TMC6: variants seen among roughly 807,000 people sequenced by gnomAD.
TMC6 encodes the protein transmembrane channel-like protein 6.
A neutral mutation model predicts 95.4 loss-of-function variants in TMC6; 71 were observed. That is an observed-to-expected ratio of 0.74 (90% confidence interval 0.61 to 0.91). The LOEUF (loss-of-function observed/expected upper bound fraction) is 0.91. Among genes scored for constraint, TMC6 ranks in the 40% least tolerant of loss-of-function variants. TMC6 has a pLI of 0.00. For missense variants in TMC6, 1,074 were observed against 1,079.1 expected, an observed-to-expected ratio of 1.00 and a Z score of 0.07; for synonymous variants, 514 against 483.1, an observed-to-expected ratio of 1.06 and a Z score of -0.84.
Position 78,113,026 on chromosome 17 carries a change from G to T in TMC6, c.*122C>A. 2.6e-6 allele frequency: 3 copies of T among 1,173,830 alleles called. No individual in the cohort carries two copies. Among genetic ancestry groups the T allele is most frequent in the Non-Finnish European group, 2.5e-6 (2 of 814,494 alleles). 72.7% of individuals were successfully genotyped at this position (1,173,830 alleles called of 1,614,324 possible). A position where few individuals can be genotyped will look rare whatever the true frequency, so the allele number is the denominator to read the frequency against. ...CCACCCTTCCAGCTCCAGCCTAGGCGCAGCTGCGGCTTTCGAGAGGCGAAA... is the reference window on the plus strand; with the variant it reads ...CCACCCTTCCAGCTCCAGCCTAGGCTCAGCTGCGGCTTTCGAGAGGCGAAA... On this transcript the variant is annotated 3_prime_UTR_variant, in exon 20 of 20. Coordinates refer to ENST00000590602, the MANE Select transcript of TMC6 (RefSeq NM_001127198.5).
At chr17:78,131,454 G>A (rs557700832), upstream of TMC6, 9 of 1,289,716 alleles carry the variant, frequency 7.0e-6, no homozygotes, top group African/African-American at 7.3e-5. Flanking sequence ...CGCCGGCGCA[G>A]AGGGGACGGA....
intron 18 of TMC6, 156 bp from the exon 19 acceptor site, chr17:78,113,780 A>C: frequency 1.3e-6 from 1 of 764,846 alleles, no homozygotes; most frequent in Non-Finnish European, 2.2e-6. Flanking sequence ...CCACCAAACA[A>C]GGACAAGGAA....
At chr17:78,116,420 A>C (rs1281615251) in intron 18 of TMC6, among the ~76,000 whole-genome samples, 2 of 151,690 alleles carry the variant, frequency 1.3e-5, no homozygotes, top group Non-Finnish European at 2.9e-5. Flanking sequence ...CTACAGGTGC[A>C]CACCACCACA....
chr17:78,113,102 T>A lies in TMC6; in HGVS notation c.*46A>T. 1 of 1,546,746 alleles carries A rather than the reference T, an allele frequency of 6.5e-7. No homozygotes were observed. Among genetic ancestry groups the A allele is most frequent in the Middle Eastern group, 1.7e-4 (1 of 5,956 alleles). On this transcript the variant is annotated 3_prime_UTR_variant, in exon 20 of 20. Transcript: ENST00000590602. The stretch of plus-strand genomic sequence containing the variant: ...GCAGGGTCACTGGGAGGCAACAGTG[T>A]GGTCTCAGGGTGCTGGGCGGGCCCG...
At chr17:78,120,269 C>T (rs1285110847) in intron 13 of TMC6, 1 of 367,962 alleles carries the variant, frequency 2.7e-6, no homozygotes, top group Non-Finnish European at 5.3e-6. Flanking sequence ...AAGCGATTCT[C>T]ATGCCTCTGC....
rs531947266 is a variant in TMC6 at position 78,126,900 on chromosome 17, C to T, written c.-68G>A. On this transcript the variant is annotated 5_prime_UTR_variant, in exon 2 of 20. Transcript: ENST00000590602. ...CAGAGCCTGGGCGCCACCTCCGGAG[C>T]CCCCATCTGATGAGACAGGGGCACA... The T allele has an allele frequency of 1.9e-5, 29 of 1,566,908 alleles. No individual in the cohort carries two copies. The African/African-American group carries it at 3.1e-4, about 17-fold the overall frequency.
At chr17:78,129,106 A>T (rs1196928756), upstream of TMC6, among the ~76,000 whole-genome samples, 19 of 114,544 alleles carry the variant, frequency 1.7e-4, no homozygotes, top group African/African-American at 6.0e-4. This position sits in a 1 kb window ranked among gnomAD's most constrained non-coding sequence, Gnocchi z 4.3. Context: ...CTCACTCCAG[A>T]TTGGGCAGCG....
intron 13 of TMC6, chr17:78,120,413 G>A: frequency 1.6e-6 from 1 of 614,514 alleles, no homozygotes; most frequent in Non-Finnish European, 3.0e-6. Context: ...ACTCACCTCA[G>A]CCTCCCAAAG....
intron 18 of TMC6, among the ~76,000 whole-genome samples, chr17:78,117,025 A>AC (rs551251137): frequency 1.4e-4 from 21 of 152,202 alleles, no homozygotes; most frequent in African/African-American, 4.8e-4. Context: ...ATCACACCCC[A>AC]CCCCCCAGAG....
chr17:78,117,379 G>A (rs2074178357), intron 17 of TMC6, 32 bp from the exon 18 acceptor site: 2 of 1,612,632 alleles, frequency 1.2e-6, no homozygotes, highest in African/African-American at 2.7e-5. Context: ...GCAGGGCCCA[G>A]GGCCACAGCC....
chr17:78,117,384 A>G (rs1236294766), intron 17 of TMC6, 37 bp from the exon 18 acceptor site: 16 of 1,612,422 alleles, frequency 9.9e-6, no homozygotes, highest in African/African-American at 1.3e-5. Flanking sequence ...GCCCAGGGCC[A>G]CAGCCCGGGA....
chr17:78,113,873 C>T, intron 18 of TMC6: 3 of 515,258 alleles, frequency 5.8e-6, no homozygotes, highest in East Asian at 7.1e-5. Context: ...AATCAGCAGC[C>T]CAGAGCCAGC....
chr17:78,132,046 C>A (rs1598896221), upstream of TMC6: 1 of 1,534,656 alleles, frequency 6.5e-7, no homozygotes, highest in Non-Finnish European at 8.7e-7. Flanking sequence ...ACCCGCGCGA[C>A]CCGCACCTCC....
chr17:78,125,742 C>T lies in TMC6; in HGVS notation c.414G>A (p.Thr138=), dbSNP rs778886513. The T allele has an allele frequency of 5.5e-5, 87 of 1,568,036 alleles. No individual in the cohort carries two copies. In the Admixed American group the frequency reaches 1.3e-3, roughly 23 times the overall value. ...LRLYDLELDP[T]ALEEEEKQSL... ...CTCACTCACCCTCCTCCTCCAGGGCCGTGGGGTCCAGCTCCAGGTCGTACA... is the reference window on the plus strand; with the variant it reads ...CTCACTCACCCTCCTCCTCCAGGGCTGTGGGGTCCAGCTCCAGGTCGTACA... Residue 138 remains threonine, a synonymous_variant, in exon 5 of 20, where the codon ACG becomes ACA. Coordinates refer to ENST00000590602, the MANE Select transcript of TMC6 (RefSeq NM_001127198.5).
In TMC6 at chr17:78,126,283, T is replaced by A. The variant is rs751985955; in HGVS notation, c.265A>T (p.Thr89Ser). 2 of 1,558,622 alleles carry A rather than the reference T, an allele frequency of 1.3e-6. No homozygotes were observed. The highest frequency in any genetic ancestry group is 1.7e-6 in the Non-Finnish European group (2 of 1,154,886). Residue 89 changes from threonine (T) to serine (S), a missense_variant, in exon 4 of 20, where the codon ACC becomes TCC. Coordinates refer to ENST00000590602, the MANE Select transcript of TMC6 (RefSeq NM_001127198.5). The part of the protein sequence containing the change: ...LRILASMPSR[T>S]IGRSRGAIIS... ...GGCTGAGGGTCCCACTCACCAATGG[T>A]GCGGCTGGGCATGCTGGCCAGGATG...
upstream of TMC6, chr17:78,131,292 G>T: frequency 1.9e-6 from 1 of 538,366 alleles, no homozygotes; most frequent in Non-Finnish European, 3.4e-6. Flanking sequence ...TGGGGAGACT[G>T]AGGCCGTGGC....
At position 78,112,819 on chromosome 17, in the gene TMC6, T is replaced by G. The variant is rs762610420; in HGVS notation, c.*329A>C. On this transcript the variant is annotated 3_prime_UTR_variant, in exon 20 of 20. Transcript: ENST00000590602. ...CAGCAGAGGGCGCCCCCACTCCAGC[T>G]GAGGTTCCCAGGACCCAGACCTGCG... 1 of 420,138 alleles carries G rather than the reference T, an allele frequency of 2.4e-6. No individual in the cohort carries two copies. Among genetic ancestry groups the G allele is most frequent in the Non-Finnish European group, 4.3e-6 (1 of 232,616 alleles). The allele number at this position is 420,138 out of a possible 1,614,324, so 26.0% of individuals were successfully genotyped here.
chr17:78,129,036 T>C (rs977966452), upstream of TMC6, among the ~76,000 whole-genome samples: 2 of 151,800 alleles, frequency 1.3e-5, no homozygotes, highest in South Asian at 4.2e-4. This position sits in a 1 kb window ranked among gnomAD's most constrained non-coding sequence, Gnocchi z 4.3. Context: ...CTCATCTGCT[T>C]CCCATGGTTA....
Position 78,126,518 on chromosome 17 carries a change from G to A in TMC6, c.181+6C>T, listed in dbSNP as rs186208897. On this transcript the variant is annotated splice_donor_region_variant and intron_variant, in intron 3 of 19. Transcript: ENST00000590602. Reference sequence around the variant, plus strand: ...CACACCACCCAGCATCCAGGCCTGAGCTCACCTGTCACCTCCCGCTCTCTC... The same window carrying A: ...CACACCACCCAGCATCCAGGCCTGAACTCACCTGTCACCTCCCGCTCTCTC... 973 of 1,613,176 alleles carry A rather than the reference G, an allele frequency of 6.0e-4. 3 individuals carry two copies. The African/African-American group carries it at 0.011, about 19-fold the overall frequency.
Sources: gnomAD v4.1 joint callset for allele counts (sites outside exome capture counted in the v4.1 genomes callset) on GRCh38, gnomAD v4.1.1 for gene constraint, Gnocchi (gnomAD v3.1) non-coding constraint, MANE v1.5 for transcripts, NCBI Gene and HGNC (gene_info 2026-07-23, HGNC 2026-07-21) for gene names.